The following TENM4 variants were observed in gnomAD, a reference collection of about 807,000 sequenced individuals.
TENM4 encodes teneurin-4.
A neutral mutation model predicts 243.3 loss-of-function variants in TENM4; 82 were observed. The ratio of observed to expected loss-of-function variants is 0.34; its 90% CI spans 0.28 to 0.40. The LOEUF is 0.40. Among genes scored for constraint, TENM4 ranks in the 10% least tolerant of loss-of-function variants. The pLI is 1.00. For missense variants in TENM4, 3,138 were observed against 3,673.3 expected, an observed-to-expected ratio of 0.85 and a Z score of 3.77; for synonymous variants, 1,412 against 1,456.3, an observed-to-expected ratio of 0.97 and a Z score of 0.69.
At chr11:79,312,709 G>A (rs1856741961) in intron 1 of TENM4, among the ~76,000 whole-genome samples, 1 of 152,162 alleles carries the variant, frequency 6.6e-6, no homozygotes, top group Non-Finnish European at 1.5e-5. Flanking sequence ...CACTCAATTA[G>A]CATGTGTTCC....
chr11:78,843,543 G>C (rs1217400591), intron 12 of TENM4, among the ~76,000 whole-genome samples: 1 of 152,022 alleles, frequency 6.6e-6, no homozygotes, highest in Non-Finnish European at 1.5e-5. Flanking sequence ...ATAATACTTA[G>C]ATACAGTATG....
chr11:79,029,351 G>C (rs1859167006), intron 6 of TENM4, among the ~76,000 whole-genome samples: 1 of 152,130 alleles, frequency 6.6e-6, no homozygotes, highest in South Asian at 2.1e-4. Flanking sequence ...TTTCAAATTT[G>C]TTTTCTGGGA....
chr11:79,077,873 C>T (rs1010141197), intron 4 of TENM4, among the ~76,000 whole-genome samples: 1 of 152,180 alleles, frequency 6.6e-6, no homozygotes, highest in Admixed American at 6.5e-5. Flanking sequence ...GGAGCGTGCC[C>T]TGCAGCTAGT....
At chr11:78,836,369 C>T (rs1480402627) in intron 12 of TENM4, among the ~76,000 whole-genome samples, 1 of 152,050 alleles carries the variant, frequency 6.6e-6, no homozygotes, top group African/African-American at 2.4e-5. Flanking sequence ...AACAAAAAAA[C>T]AAGAAAAAAA....
intron 15 of TENM4, among the ~76,000 whole-genome samples, chr11:78,791,760 A>C (rs1298936939): frequency 6.6e-6 from 1 of 152,230 alleles, no homozygotes; most frequent in Non-Finnish European, 1.5e-5. Context: ...GAGAAAGGAG[A>C]TGTAGTGGCA....
rs116263313 is a variant in TENM4, at chr11:79,140,103, G to A, written c.-66+8607C>T. ...TGCCCCTGCCAATGTCTTCTGGATC[G>A]TCTCCCATCTCTCCCTATATGCCTC... On this transcript the variant is annotated intron_variant, in intron 4 of 33. Transcript: ENST00000278550. Among the ~76,000 whole-genome samples, 842 of 151,682 alleles carry A rather than the reference G, an allele frequency of 5.6e-3. 8 individuals carry two copies. Among genetic ancestry groups the A allele is most frequent in the African/African-American group, 0.019 (787 of 41,382 alleles).
At chr11:79,306,374 C>G (rs1034404571) in intron 1 of TENM4, among the ~76,000 whole-genome samples, 1 of 152,130 alleles carries the variant, frequency 6.6e-6, no homozygotes, top group Admixed American at 6.5e-5. Context: ...GAGGAGCACA[C>G]TTGCCTGGGC....
At position 79,431,778 on chromosome 11, in the gene TENM4, C is replaced by T. The variant is rs577424866; in HGVS notation, c.-321+8731G>A. Among the ~76,000 whole-genome samples the T allele has an allele frequency of 2.6e-5, 4 of 152,304 alleles. No homozygotes were observed. In the South Asian group the frequency reaches 8.3e-4, roughly 32 times the overall value. ...GGCATACCCAGGAAATGAACCCAGT[C>T]CTCTAGCTCCAGAAGCTGGGTCCCT... On this transcript the variant is annotated intron_variant, in intron 1 of 33. Transcript: ENST00000278550.
chr11:79,191,522 A>G (rs200457392), intron 3 of TENM4: 14,709 of 158,524 alleles, frequency 0.093, 1,422 homozygotes, highest in East Asian at 0.41. Flanking sequence ...CAAAGTGCGG[A>G]GATTGCAGCC....
intron 1 of TENM4, among the ~76,000 whole-genome samples, chr11:79,375,582 T>A (rs1055925358): frequency 6.6e-6 from 1 of 152,220 alleles, no homozygotes; most frequent in African/African-American, 2.4e-5. Context: ...TTTATTTGAT[T>A]TTGTTATTAT....
intron 6 of TENM4, 95 bp downstream of exon 6, chr11:79,064,643 C>T (rs922518279): frequency 1.3e-5 from 19 of 1,487,632 alleles, no homozygotes; most frequent in Non-Finnish European, 1.6e-5. Context: ...ACCAACTTCA[C>T]CAGAGCCCCG....
intron 6 of TENM4, among the ~76,000 whole-genome samples, chr11:78,939,070 G>A (rs773929299): frequency 1.3e-5 from 2 of 152,244 alleles, no homozygotes; most frequent in Non-Finnish European, 1.5e-5. Flanking sequence ...GATTCCACAC[G>A]GCTGCAGTGA....
chr11:79,289,069 G>T (rs746551038), intron 2 of TENM4, among the ~76,000 whole-genome samples: 3 of 152,150 alleles, frequency 2.0e-5, no homozygotes, highest in Non-Finnish European at 2.9e-5. Flanking sequence ...TCTTGAAAGA[G>T]CAATCATAAC....
intron 6 of TENM4, among the ~76,000 whole-genome samples, chr11:79,022,163 C>A (rs537163042): frequency 6.6e-6 from 1 of 152,328 alleles, no homozygotes; most frequent in African/African-American, 2.4e-5. Flanking sequence ...TATTTCACAT[C>A]AGGCACTGTG....
intron 2 of TENM4, among the ~76,000 whole-genome samples, chr11:79,219,938 A>G (rs1299614452): frequency 6.6e-6 from 1 of 152,254 alleles, no homozygotes. Context: ...ACTGCAGAGA[A>G]CTGCAAAGGT....
At chr11:78,849,667 A>T (rs1279486587) in intron 12 of TENM4, among the ~76,000 whole-genome samples, 1 of 152,230 alleles carries the variant, frequency 6.6e-6, no homozygotes, top group Non-Finnish European at 1.5e-5. Context: ...GAAGAAGGCA[A>T]ATTGCTAAAG....
intron 1 of TENM4, among the ~76,000 whole-genome samples, chr11:79,385,678 A>G (rs183302974): frequency 1.9e-4 from 29 of 152,350 alleles, no homozygotes; most frequent in African/African-American, 6.7e-4. Context: ...TATAGAAAAT[A>G]TAGAAAGATT....
At chr11:78,969,954 A>T (rs554662524) in intron 6 of TENM4, among the ~76,000 whole-genome samples, 1 of 152,242 alleles carries the variant, frequency 6.6e-6, no homozygotes, top group Non-Finnish European at 1.5e-5. Flanking sequence ...GATGGATTCA[A>T]CCTTTCCAGA....
intron 15 of TENM4, among the ~76,000 whole-genome samples, chr11:78,793,965 G>A (rs956326328): frequency 1.3e-5 from 2 of 152,202 alleles, no homozygotes; most frequent in East Asian, 3.9e-4. Context: ...TGGAATCAGT[G>A]TTTTCAGTTT....
Sources: gnomAD v4.1 joint callset for allele counts (sites outside exome capture counted in the v4.1 genomes callset) on GRCh38, gnomAD v4.1.1 for gene constraint, MANE v1.5 for transcripts, NCBI Gene and HGNC (gene_info 2026-07-23, HGNC 2026-07-21) for gene names.